COL14A1: variants seen among roughly 807,000 people sequenced by gnomAD.
The protein encoded by COL14A1 is collagen type XIV alpha 1 chain, also known as collagen alpha-1(XIV) chain.
COL14A1 carries 136 observed loss-of-function variants against 230.3 expected under a neutral mutation model. The ratio of observed to expected loss-of-function variants is 0.59; its 90% CI spans 0.51 to 0.68. The LOEUF (loss-of-function observed/expected upper bound fraction) is 0.68, where lower values mean the gene tolerates loss of function less well. Ranked by LOEUF, COL14A1 falls within the 30% of genes least tolerant of loss-of-function variation. The pLI, the probability that COL14A1 is intolerant of heterozygous loss-of-function variation, is 0.00. For missense variants in COL14A1, 1,976 were observed against 2,215.8 expected (o/e 0.89, Z 2.17); for synonymous variants, 792 against 784.1 (o/e 1.01, Z -0.17).
At chr8:120,314,333 G>A (rs1174239169) in intron 38 of COL14A1, among the ~76,000 whole-genome samples, 1 of 151,106 alleles carries the variant, frequency 6.6e-6, no homozygotes, top group African/African-American at 2.5e-5. Flanking sequence ...CTTAATGGAT[G>A]TGATAACATT....
intron 22 of COL14A1, among the ~76,000 whole-genome samples, chr8:120,253,358 C>T (rs1819036742): frequency 6.6e-6 from 1 of 152,010 alleles, no homozygotes; most frequent in Admixed American, 6.6e-5. Flanking sequence ...TTGTCTTTTT[C>T]CATCCTCTTT....
At chr8:120,189,122 G>T (rs1816735399) in intron 5 of COL14A1, among the ~76,000 whole-genome samples, 1 of 152,176 alleles carries the variant, frequency 6.6e-6, no homozygotes, top group South Asian at 2.1e-4. Context: ...TATGGTTAAG[G>T]TATATGATTA....
intron 34 of COL14A1, among the ~76,000 whole-genome samples, chr8:120,291,512 A>G (rs1176179109): frequency 7.0e-6 from 1 of 143,224 alleles, no homozygotes; most frequent in East Asian, 2.1e-4. Context: ...GTGAACCAAG[A>G]TCGCGCCACT....
chr8:120,283,266 A>T (rs1820094760), intron 31 of COL14A1, among the ~76,000 whole-genome samples: 1 of 152,198 alleles, frequency 6.6e-6, no homozygotes, highest in Non-Finnish European at 1.5e-5. Flanking sequence ...AGGATAATAG[A>T]TCAACATAGT....
intron 26 of COL14A1, among the ~76,000 whole-genome samples, chr8:120,271,567 G>A (rs1193804423): frequency 6.6e-6 from 1 of 151,640 alleles, no homozygotes; most frequent in Non-Finnish European, 1.5e-5. Context: ...TTGAGGAGGT[G>A]CCTTTTGAAC....
At chr8:120,174,136 C>T (rs1387955893) in intron 5 of COL14A1, among the ~76,000 whole-genome samples, 1 of 152,114 alleles carries the variant, frequency 6.6e-6, no homozygotes, top group Admixed American at 6.5e-5. Flanking sequence ...GTTTTACTTG[C>T]CCCTCCTATA....
chr8:120,342,358 GTA>G lies in COL14A1; in HGVS notation c.4822-20_4822-19del. On this transcript the variant is annotated intron_variant, in intron 43 of 47. Coordinates refer to ENST00000297848, the MANE Select transcript of COL14A1 (RefSeq NM_021110.4). ...GGCTGGGCTTGTAGCTGAGTCAGGA[GTA>G]TGCTTTTTTTCTCATCCAGGGTGAC... 6.2e-7 allele frequency: 1 copy of G among 1,612,998 alleles called. No homozygotes were observed. The highest frequency in any genetic ancestry group is 8.5e-7 in the Non-Finnish European group (1 of 1,179,106).
rs566426283 is a variant in COL14A1, at chr8:120,192,261, C to T, written c.437-4530C>T. On this transcript the variant is annotated intron_variant, in intron 5 of 47. Coordinates refer to ENST00000297848, the MANE Select transcript of COL14A1 (RefSeq NM_021110.4). ...GCATGGTGGTGACAAAATCTCTCAG[C>T]ATTTGCTTGTCTTTAAAGTATTTTA... Among the ~76,000 whole-genome samples the T allele has an allele frequency of 3.3e-5, 5 of 152,264 alleles. No individual in the cohort carries two copies. In the South Asian group the frequency reaches 1.0e-3, roughly 32 times the overall value.
chr8:120,273,826 G>A (rs1819753693), intron 26 of COL14A1, among the ~76,000 whole-genome samples: 1 of 150,590 alleles, frequency 6.6e-6, no homozygotes, highest in Non-Finnish European at 1.5e-5. Context: ...AAAGGCCCAG[G>A]GCCAGATGGA....
At chr8:120,269,243 T>A (rs1476652950) in intron 25 of COL14A1, among the ~76,000 whole-genome samples, 1 of 151,788 alleles carries the variant, frequency 6.6e-6, no homozygotes, top group Admixed American at 6.6e-5. Context: ...TCAGCCCTAA[T>A]GAAGAGGAGG....
intron 20 of COL14A1, among the ~76,000 whole-genome samples, chr8:120,245,695 G>A (rs1818741602): frequency 6.6e-6 from 1 of 152,148 alleles, no homozygotes; most frequent in Non-Finnish European, 1.5e-5. Context: ...TGGTCTGGAT[G>A]TTACAGGACA....
intron 42 of COL14A1, 45 bp from the exon 43 acceptor site, chr8:120,341,270 CACTCTTAGCT>C: frequency 6.5e-7 from 1 of 1,535,398 alleles, no homozygotes; most frequent in Non-Finnish European, 9.0e-7. Flanking sequence ...GCATGATTAT[CACTCTTAGCT>C]AAGTGCAATA....
rs889956439 is a variant in COL14A1, at chr8:120,225,165, C to T, written c.1815C>T (p.Ser605=). Residue 605 remains serine (S), a synonymous_variant, in exon 15 of 48, where the codon TCC becomes TCT. Coordinates refer to ENST00000297848, the MANE Select transcript of COL14A1 (RefSeq NM_021110.4). The stretch of plus-strand genomic sequence containing the variant: ...CAGAGTATACTATTGCTATTTTCTC[C>T]ATCTATGATGAAGGACAGTCAGAGC... ...PLTEYTIAIF[S]IYDEGQSEPL... is the part of the protein sequence containing the mutation. 2.5e-6 allele frequency: 4 copies of T among 1,612,930 alleles called. No homozygotes were observed. The highest frequency in any genetic ancestry group is 2.5e-6 in the Non-Finnish European group (3 of 1,179,680).
At chr8:120,267,827 C>T (rs932431050) in intron 25 of COL14A1, among the ~76,000 whole-genome samples, 16 of 151,692 alleles carry the variant, frequency 1.1e-4, no homozygotes, top group African/African-American at 2.7e-4. Context: ...GAAGGAAGGG[C>T]GATCTGATGA....
At chr8:120,194,014 T>C (rs1816937142) in intron 5 of COL14A1, among the ~76,000 whole-genome samples, 1 of 152,212 alleles carries the variant, frequency 6.6e-6, no homozygotes, top group Non-Finnish European at 1.5e-5. Flanking sequence ...GGTGAGGCAA[T>C]GCCTCGCCCT....
At chr8:120,338,528 T>C (rs1822163559) in intron 42 of COL14A1, among the ~76,000 whole-genome samples, 1 of 152,296 alleles carries the variant, frequency 6.6e-6, no homozygotes, top group African/African-American at 2.4e-5. Context: ...TTATAAAGAA[T>C]AAATGAGTTA....
intron 28 of COL14A1, among the ~76,000 whole-genome samples, chr8:120,279,528 A>G (rs1317147265): frequency 2.0e-5 from 3 of 147,448 alleles, no homozygotes; most frequent in South Asian, 2.2e-4. Flanking sequence ...TGCTAGGCCT[A>G]TTAATGTCTC....
intron 26 of COL14A1, among the ~76,000 whole-genome samples, chr8:120,275,873 C>A (rs1257477615): frequency 6.6e-6 from 1 of 151,908 alleles, no homozygotes; most frequent in African/African-American, 2.4e-5. Flanking sequence ...TATTTATACA[C>A]TGCTGGTGGG....
rs200361422 is a variant in COL14A1 at position 120,197,818 on chromosome 8, A to G, written c.600A>G (p.Ala200=). ...VGSEKTRIGL[A]QYSGDPRIEW... ...CCTAATCTTTTTTTCCAGGTCTTGC[A>G]CAGTATAGTGGTGACCCCAGAATAG... Residue 200 remains alanine (A), a synonymous_variant, in exon 7 of 48, where the codon GCA becomes GCG. Coordinates refer to ENST00000297848, the MANE Select transcript of COL14A1 (RefSeq NM_021110.4). 4.3e-6 allele frequency: 7 copies of G among 1,611,812 alleles called. No homozygotes were observed. Among genetic ancestry groups the G allele is most frequent in the Non-Finnish European group, 8.5e-7 (1 of 1,178,638 alleles).
Sources: gnomAD v4.1 joint callset for allele counts (sites outside exome capture counted in the v4.1 genomes callset) on GRCh38, gnomAD v4.1.1 for gene constraint, MANE v1.5 for transcripts, NCBI Gene and HGNC (gene_info 2026-07-23, HGNC 2026-07-21) for gene names.